Variants in SYCE3 observed in about 807,000 individuals in gnomAD.
The protein encoded by SYCE3 is synaptonemal complex central element protein 3.
A neutral mutation model predicts 8.1 loss-of-function variants in SYCE3; 3 were observed. The ratio of observed to expected loss-of-function variants is 0.37; its 90% CI spans 0.17 to 0.96. The LOEUF is 0.96. SYCE3 is among the 40% of genes least tolerant of loss of function. The pLI is 0.41. For synonymous variants in SYCE3, 36 were observed against 38.7 expected (o/e 0.93, Z 0.26); for missense variants, 83 against 110.0 (o/e 0.75, Z 1.10).
At position 50,551,207 on chromosome 22, in the gene SYCE3, C is replaced by T. The variant is rs1440155533; in HGVS notation, c.*38G>A. 3 of 1,546,560 alleles carry T rather than the reference C, an allele frequency of 1.9e-6. No homozygotes were observed. The highest frequency in any genetic ancestry group is 2.6e-6 in the Non-Finnish European group (3 of 1,143,852). On this transcript the variant is annotated 3_prime_UTR_variant, in exon 3 of 3. Transcript: ENST00000406915. ...TCCCCCAGTGACCTCTTCATACGGG[C>T]AGAGGGTGGCATGGCAGCTGTGGTG...
At chr22:50,554,629 G>A (rs1182561694) in intron 2 of SYCE3, among the ~76,000 whole-genome samples, 1 of 150,536 alleles carries the variant, frequency 6.6e-6, no homozygotes, top group Non-Finnish European at 1.5e-5. Flanking sequence ...GAGAGGCGGA[G>A]GTTGCAGTGA....
intron 1 of SYCE3, among the ~76,000 whole-genome samples, chr22:50,560,581 C>T (rs2069905026): frequency 1.3e-5 from 2 of 152,088 alleles, no homozygotes; most frequent in South Asian, 4.1e-4. Flanking sequence ...ATTAATGGAT[C>T]ATTAGACAAA....
At chr22:50,552,595 T>TTA (rs1029407465) in intron 2 of SYCE3, among the ~76,000 whole-genome samples, 5 of 151,736 alleles carry the variant, frequency 3.3e-5, no homozygotes, top group Non-Finnish European at 4.4e-5. Context: ...AAGGTGGAGG[T>TTA]TATATATACA....
Position 50,551,364 on chromosome 22 carries a change from G to C in SYCE3, c.148C>G (p.Arg50Gly). The C allele has an allele frequency of 6.4e-7, 1 of 1,550,920 alleles. No individual in the cohort carries two copies. Among genetic ancestry groups the C allele is most frequent in the Non-Finnish European group, 8.7e-7 (1 of 1,146,946 alleles). Residue 50 changes from arginine to glycine, a missense_variant, in exon 3 of 3, where the codon CGC (arginine) becomes GGC (glycine). Arg to Gly is a moderately radical substitution (Grantham distance 125). Coordinates refer to ENST00000406915, the MANE Select transcript of SYCE3 (RefSeq NM_001123225.3). ...TWMAYDMVVM[R>G]TNPTLAESMR... ...GACTCGGCCAGCGTAGGGTTGGTGC[G>C]CATCACCACCATGTCATAGGCCATC...
chr22:50,552,867 T>A (rs1428645771), intron 2 of SYCE3, among the ~76,000 whole-genome samples: 2 of 152,046 alleles, frequency 1.3e-5, no homozygotes, highest in African/African-American at 4.8e-5. Flanking sequence ...TCACTCTCAC[T>A]CTATGCAAGG....
At position 50,551,294 on chromosome 22, in the gene SYCE3, A is replaced by G. The variant is rs1310987629; in HGVS notation, c.218T>C (p.Met73Thr). 1 of 1,551,310 alleles carries G rather than the reference A, an allele frequency of 6.4e-7. No homozygotes were observed. Among genetic ancestry groups the G allele is most frequent in the South Asian group, 1.2e-5 (1 of 84,060 alleles). ...EDAFVNCKEE[M>T]EKNWQELLHE... ...CAGCAGCTCTTGCCAGTTCTTCTCC[A>G]TCTCCTCCTTGCAGTTGACGAAGGC... The change falls in exon 3 of 3, where the codon ATG becomes ACG. Residue 73 changes from methionine (M) to threonine (T), a missense_variant. By Grantham distance (81) the Met-to-Thr change is moderately conservative (BLOSUM62 -1). Transcript: ENST00000406915.
chr22:50,551,737 C>T (rs2069811992), intron 2 of SYCE3, among the ~76,000 whole-genome samples: 1 of 152,222 alleles, frequency 6.6e-6, no homozygotes, highest in African/African-American at 2.4e-5. Context: ...AGTTCACAGC[C>T]AATGGCTGCA....
At chr22:50,561,511 TGTGGGGCGGGAGGAGC>T (rs1325807861) in intron 1 of SYCE3, among the ~76,000 whole-genome samples, 3 of 68,872 alleles carry the variant, frequency 4.4e-5, no homozygotes, top group East Asian at 3.7e-4. Context: ...GTGGCGGAAG[TGTGGGGCGGGAGGAGC>T]GTGGGGCGGG....
intron 2 of SYCE3, among the ~76,000 whole-genome samples, chr22:50,555,568 T>G (rs2069852186): frequency 6.6e-6 from 1 of 152,204 alleles, no homozygotes; most frequent in Non-Finnish European, 1.5e-5. Context: ...TTTTACAATC[T>G]ATTCCCTCTG....
intron 1 of SYCE3, among the ~76,000 whole-genome samples, chr22:50,561,562 G>T (rs1446702742): frequency 6.6e-6 from 1 of 151,450 alleles, no homozygotes; most frequent in Admixed American, 6.6e-5. Flanking sequence ...GGAGCGTGGG[G>T]CGGGAGTGTA....
At chr22:50,555,457 A>G (rs1312483340) in intron 2 of SYCE3, among the ~76,000 whole-genome samples, 1 of 152,202 alleles carries the variant, frequency 6.6e-6, no homozygotes, top group Non-Finnish European at 1.5e-5. Flanking sequence ...GAGGAGAAGG[A>G]GAAATTGGGT....
At chr22:50,560,059 G>A (rs1209141058) in intron 1 of SYCE3, among the ~76,000 whole-genome samples, 3 of 152,230 alleles carry the variant, frequency 2.0e-5, no homozygotes, top group African/African-American at 7.2e-5. Context: ...TGTTTCTAAA[G>A]AGAGGGAAGG....
intron 1 of SYCE3, among the ~76,000 whole-genome samples, chr22:50,559,134 T>C (rs1164338218): frequency 6.6e-6 from 1 of 152,022 alleles, no homozygotes; most frequent in Non-Finnish European, 1.5e-5. Context: ...CACTCTTTTT[T>C]TTTTTTTCTT....
intron 2 of SYCE3, among the ~76,000 whole-genome samples, chr22:50,554,712 AG>A (rs66963908): frequency 6.8e-6 from 1 of 146,962 alleles, no homozygotes; most frequent in Non-Finnish European, 1.5e-5. Context: ...AAAAAAAAAA[AG>A]GCCAGGCGCG....
rs539397317 is a variant in SYCE3 at position 50,554,929 on chromosome 22, T to C, written c.109+1368A>G. ...CGAGGTCAGGAGATCAAGACCATCC[T>C]GGCTAACACAGTGAAACCCCGTCTC... On this transcript the variant is annotated intron_variant, in intron 2 of 2. Transcript: ENST00000406915. 2.0e-5 allele frequency among the ~76,000 whole-genome samples: 3 copies of C among 151,614 alleles called. No individual in the cohort carries two copies. The South Asian group carries it at 6.2e-4, about 32-fold the overall frequency.
intron 2 of SYCE3, among the ~76,000 whole-genome samples, chr22:50,555,874 A>G (rs6009924): frequency 0.082 from 12,380 of 150,384 alleles, 1,124 homozygotes; most frequent in African/African-American, 0.23. Context: ...GCTCACTGCA[A>G]GCTCCACCTC....
At chr22:50,559,773 C>T (rs2069896300) in intron 1 of SYCE3, among the ~76,000 whole-genome samples, 1 of 151,954 alleles carries the variant, frequency 6.6e-6, no homozygotes, top group Non-Finnish European at 1.5e-5. Context: ...ACTAAAAATA[C>T]AAAAATTAGC....
chr22:50,554,442 C>T lies in SYCE3; in HGVS notation c.109+1855G>A, dbSNP rs995712878. ...GGCGTGGTGGCTCACGCGTGTAATC[C>T]CAGCACTTCAGGAGGCCAAGGCAGG... On this transcript the variant is annotated intron_variant, in intron 2 of 2. Transcript: ENST00000406915. 5.9e-5 allele frequency among the ~76,000 whole-genome samples: 9 copies of T among 152,108 alleles called. No individual in the cohort carries two copies. In the South Asian group the frequency reaches 1.9e-3, roughly 32 times the overall value.
At chr22:50,557,764 C>T (rs1215783316) in intron 1 of SYCE3, among the ~76,000 whole-genome samples, 1 of 152,092 alleles carries the variant, frequency 6.6e-6, no homozygotes, top group Admixed American at 6.6e-5. Flanking sequence ...GAACTTGTAA[C>T]CTCATGAAGG....
Sources: allele counts gnomAD v4.1 joint callset (sites outside exome capture counted in the v4.1 genomes callset), GRCh38; gene constraint gnomAD v4.1.1; transcripts MANE v1.5; gene names NCBI Gene and HGNC (gene_info 2026-07-23, HGNC 2026-07-21).